Variants in AUH observed in about 807,000 individuals in gnomAD.
AUH encodes the protein methylglutaconyl-CoA hydratase, mitochondrial.
AUH carries 29 observed loss-of-function variants against 42.3 expected under a neutral mutation model. The ratio of observed to expected loss-of-function variants is 0.69; its 90% CI spans 0.51 to 0.93. AUH has a LOEUF of 0.93. Among genes scored for constraint, AUH ranks in the 40% least tolerant of loss-of-function variants. AUH has a pLI of 0.00. For missense variants in AUH, 452 were observed against 438.1 expected (o/e 1.03, Z -0.28); for synonymous variants, 174 against 166.4 (o/e 1.05, Z -0.35).
intron 1 of AUH, among the ~76,000 whole-genome samples, chr9:91,361,248 C>G (rs748859430): frequency 6.6e-6 from 1 of 152,194 alleles, no homozygotes; most frequent in African/African-American, 2.4e-5. Flanking sequence ...AACTCCACCA[C>G]TAATAGCTGA....
At chr9:91,285,184 A>T (rs1032117577) in intron 6 of AUH, among the ~76,000 whole-genome samples, 3 of 152,178 alleles carry the variant, frequency 2.0e-5, no homozygotes, top group Non-Finnish European at 2.9e-5. Flanking sequence ...GCTGGAAATC[A>T]TCATTCTCAG....
At chr9:91,341,858 C>CT (rs1179140140) in intron 3 of AUH, among the ~76,000 whole-genome samples, 1 of 152,132 alleles carries the variant, frequency 6.6e-6, no homozygotes, top group African/African-American at 2.4e-5. Flanking sequence ...GCAGGGAGAC[C>CT]TGCTTTGGTT....
At chr9:91,270,431 G>A (rs569912471) in intron 6 of AUH, among the ~76,000 whole-genome samples, 1 of 152,176 alleles carries the variant, frequency 6.6e-6, no homozygotes, top group Non-Finnish European at 1.5e-5. Flanking sequence ...AGAAACTGGG[G>A]TGTTCTCAGG....
intron 3 of AUH, among the ~76,000 whole-genome samples, chr9:91,355,013 C>G (rs776689914): frequency 6.6e-6 from 1 of 152,220 alleles, no homozygotes; most frequent in Non-Finnish European, 1.5e-5. Flanking sequence ...AATGTGAAAA[C>G]AGAAATCTGT....
intron 4 of AUH, among the ~76,000 whole-genome samples, chr9:91,318,598 G>A (rs949288726): frequency 6.6e-6 from 1 of 152,140 alleles, no homozygotes; most frequent in Non-Finnish European, 1.5e-5. Context: ...ATTCTCTCCC[G>A]AGCAGGATAT....
intron 6 of AUH, among the ~76,000 whole-genome samples, chr9:91,292,348 G>T (rs541060321): frequency 2.7e-5 from 4 of 147,512 alleles, no homozygotes; most frequent in African/African-American, 1.0e-4. Context: ...GTGTGATCTC[G>T]GCTCACTGCA....
At chr9:91,329,605 C>T (rs928720287) in intron 3 of AUH, among the ~76,000 whole-genome samples, 1 of 151,958 alleles carries the variant, frequency 6.6e-6, no homozygotes, top group African/African-American at 2.4e-5. Context: ...TTTGTTTTCT[C>T]CTTATTGAGT....
At chr9:91,314,706 C>T (rs1049807732) in intron 4 of AUH, among the ~76,000 whole-genome samples, 2 of 152,106 alleles carry the variant, frequency 1.3e-5, no homozygotes, top group Admixed American at 6.5e-5. Flanking sequence ...GACCATCTCC[C>T]TCAATAGCCG....
chr9:91,345,870 A>G (rs577126107), intron 3 of AUH, among the ~76,000 whole-genome samples: 34 of 151,310 alleles, frequency 2.2e-4, no homozygotes, highest in Non-Finnish European at 4.1e-4. Context: ...GAACCCTGAC[A>G]TAACTCACAC....
chr9:91,223,110 C>A (rs968874308), intron 6 of AUH, among the ~76,000 whole-genome samples: 1 of 152,176 alleles, frequency 6.6e-6, no homozygotes, highest in African/African-American at 2.4e-5. Context: ...GGATGCATAA[C>A]ACAACAGATG....
At chr9:91,266,362 AAAAT>A (rs144350488) in intron 6 of AUH, among the ~76,000 whole-genome samples, 73,967 of 147,954 alleles carry the variant, frequency 0.5, 21,775 homozygotes, top group African/African-American at 0.82. Context: ...ACTCCATCTC[AAAAT>A]AAATAAATAA....
In AUH at chr9:91,297,195, T is replaced by C. The variant is rs561238334; in HGVS notation, c.598+789A>G. Among the ~76,000 whole-genome samples, 7 of 152,336 alleles carry C rather than the reference T, an allele frequency of 4.6e-5. No individual in the cohort carries two copies. The South Asian group carries it at 1.4e-3, about 32-fold the overall frequency. On this transcript the variant is annotated intron_variant, in intron 5 of 9. Coordinates refer to ENST00000375731, the MANE Select transcript of AUH (RefSeq NM_001698.3). ...TGGGTTCAAATCTCAGTTCAGTCAC[T>C]TCTTTGGGGCTTCTCTCCCTTCTCC...
chr9:91,275,757 G>C (rs149177491), intron 6 of AUH, among the ~76,000 whole-genome samples: 1 of 152,304 alleles, frequency 6.6e-6, no homozygotes, highest in African/African-American at 2.4e-5. Context: ...TAGTGATCAA[G>C]TGTAATTATT....
intron 6 of AUH, among the ~76,000 whole-genome samples, chr9:91,253,582 A>G (rs761396062): frequency 6.6e-6 from 1 of 152,194 alleles, no homozygotes; most frequent in African/African-American, 2.4e-5. Flanking sequence ...TTTACATTGA[A>G]CCAAATTTTT....
intron 4 of AUH, among the ~76,000 whole-genome samples, chr9:91,323,621 C>CAA (rs34091687): frequency 1.2e-4 from 8 of 67,884 alleles, no homozygotes; most frequent in Admixed American, 1.7e-4. Flanking sequence ...GACTCCGGCT[C>CAA]AAAAAAAAAA....
intron 6 of AUH, among the ~76,000 whole-genome samples, chr9:91,222,993 C>T (rs904997829): frequency 1.3e-5 from 2 of 152,136 alleles, no homozygotes; most frequent in African/African-American, 4.8e-5. Context: ...AGGATTTTTG[C>T]AGAAACTTAA....
intron 3 of AUH, among the ~76,000 whole-genome samples, chr9:91,329,542 T>C (rs1830184925): frequency 6.6e-6 from 1 of 152,212 alleles, no homozygotes; most frequent in South Asian, 2.1e-4. Flanking sequence ...TTCAAACAGC[T>C]GCTCTAGTGA....
chr9:91,302,630 C>T (rs1827887623), intron 4 of AUH, among the ~76,000 whole-genome samples: 1 of 151,556 alleles, frequency 6.6e-6, no homozygotes, highest in Non-Finnish European at 1.5e-5. Context: ...ATTAGCCAGA[C>T]ATGGTGGTGC....
At chr9:91,349,679 GACAC>G (rs35888854) in intron 3 of AUH, among the ~76,000 whole-genome samples, 16,942 of 148,814 alleles carry the variant, frequency 0.11, 1,220 homozygotes, top group East Asian at 0.33. Flanking sequence ...CAGAGAGACA[GACAC>G]ACACACACAC....
Sources: gnomAD v4.1 joint callset for allele counts (sites outside exome capture counted in the v4.1 genomes callset) on GRCh38, gnomAD v4.1.1 for gene constraint, MANE v1.5 for transcripts, NCBI Gene and HGNC (gene_info 2026-07-23, HGNC 2026-07-21) for gene names.